The following DDAH1 variants were observed in gnomAD, a reference collection of about 807,000 sequenced individuals.
DDAH1 encodes the protein dimethylarginine dimethylaminohydrolase 1.
In DDAH1, 19 loss-of-function variants were observed where a neutral mutation model predicts 28.8. The ratio of observed to expected loss-of-function variants is 0.66; its 90% confidence interval spans 0.46 to 0.97. DDAH1 has a LOEUF of 0.97. DDAH1 is among the 50% of genes least tolerant of loss of function. The pLI is 0.00. For missense variants in DDAH1, 326 were observed against 375.9 expected (o/e 0.87, Z 1.10); for synonymous variants, 153 against 154.4 (o/e 0.99, Z 0.07).
chr1:85,371,991 T>TG (rs58223471), intron 1 of DDAH1, among the ~76,000 whole-genome samples: 6,478 of 152,076 alleles, frequency 0.043, 483 homozygotes, highest in African/African-American at 0.15. Flanking sequence ...GGATGATTTC[T>TG]GGGGGGGAAT....
intron 1 of DDAH1, among the ~76,000 whole-genome samples, chr1:85,535,432 AT>A (rs1222368337): frequency 1.7e-5 from 2 of 115,570 alleles, no homozygotes; most frequent in African/African-American, 6.8e-5. Flanking sequence ...CCTAAGTATG[AT>A]TGGAGAACAG....
At chr1:85,332,169 C>T (rs12033473) in intron 4 of DDAH1, among the ~76,000 whole-genome samples, 2,607 of 152,270 alleles carry the variant, frequency 0.017, 69 homozygotes, top group East Asian at 0.12. Flanking sequence ...GTTAGAAAGC[C>T]CATTTCCCAC....
chr1:85,534,908 T>C (rs1463697772), intron 1 of DDAH1, among the ~76,000 whole-genome samples: 3 of 152,202 alleles, frequency 2.0e-5, no homozygotes, highest in African/African-American at 4.8e-5. Context: ...TAAAGGTTCC[T>C]GTGACTACTT....
chr1:85,384,629 T>C (rs746979423), intron 1 of DDAH1, among the ~76,000 whole-genome samples: 4 of 152,228 alleles, frequency 2.6e-5, no homozygotes, highest in Admixed American at 6.5e-5. Context: ...TAATCTTTCA[T>C]GATGGAAGTC....
At position 85,464,926 on chromosome 1, in the gene DDAH1, G is replaced by A. The variant is rs745703922; in HGVS notation, c.120C>T (p.Val40=). The change falls in exon 1 of 6, where the codon GTC becomes GTT. Residue 40 remains valine, a synonymous_variant. Coordinates refer to ENST00000284031, the MANE Select transcript of DDAH1 (RefSeq NM_012137.4). This position sits in a 1 kb window ranked among gnomAD's most constrained non-coding sequence, Gnocchi z 4.4. ...LRSAKGEEVD[V]ARAERQHQLY... Reference sequence around the variant, plus strand: ...GCTGGTGCTGCCGTTCCGCGCGGGCGACGTCCACCTCCTCGCCCTTGGCGC... The same window carrying A: ...GCTGGTGCTGCCGTTCCGCGCGGGCAACGTCCACCTCCTCGCCCTTGGCGC... The A allele has an allele frequency of 1.3e-6, 2 of 1,550,770 alleles. No individual in the cohort carries two copies. The highest frequency in any genetic ancestry group is 1.7e-6 in the Non-Finnish European group (2 of 1,159,342).
intron 1 of DDAH1, among the ~76,000 whole-genome samples, chr1:85,409,511 T>A (rs1652549796): frequency 6.6e-6 from 1 of 152,182 alleles, no homozygotes; most frequent in African/African-American, 2.4e-5. Context: ...ACATCAAACT[T>A]CCTACTGGTC....
At chr1:85,378,376 A>G (rs1233202331) in intron 1 of DDAH1, among the ~76,000 whole-genome samples, 1 of 151,976 alleles carries the variant, frequency 6.6e-6, no homozygotes, top group East Asian at 1.9e-4. Flanking sequence ...GTAAAGGAGT[A>G]CCCTCTCTAT....
chr1:85,323,612 C>T (rs971255838), intron 5 of DDAH1, among the ~76,000 whole-genome samples: 6 of 152,262 alleles, frequency 3.9e-5, no homozygotes, highest in African/African-American at 9.6e-5. Flanking sequence ...CTACCTAGCA[C>T]GGGCAGTTTC....
chr1:85,486,649 T>A (rs1357546308), intron 2 of DDAH1, among the ~76,000 whole-genome samples: 1 of 152,074 alleles, frequency 6.6e-6, no homozygotes, highest in Non-Finnish European at 1.5e-5. Context: ...ACTTCTCGAG[T>A]CTGATAGAAA....
chr1:85,518,718 T>C (rs1313988821), intron 1 of DDAH1, among the ~76,000 whole-genome samples: 1 of 152,206 alleles, frequency 6.6e-6, no homozygotes, highest in African/African-American at 2.4e-5. Flanking sequence ...TAATCACATC[T>C]GCAAAGTCCC....
At chr1:85,441,539 C>A (rs1570548717) in intron 1 of DDAH1, among the ~76,000 whole-genome samples, 1 of 150,966 alleles carries the variant, frequency 6.6e-6, no homozygotes. Flanking sequence ...GACCCCATCT[C>A]AAAAAAGAAA....
chr1:85,489,566 G>T (rs944894709), intron 2 of DDAH1, among the ~76,000 whole-genome samples: 2 of 152,120 alleles, frequency 1.3e-5, no homozygotes, highest in African/African-American at 4.8e-5. Context: ...TTGAAGAAAA[G>T]AATTTGTTGG....
intron 1 of DDAH1, among the ~76,000 whole-genome samples, chr1:85,534,720 TA>T (rs1658214314): frequency 6.6e-6 from 1 of 151,954 alleles, no homozygotes. Flanking sequence ...CATACATAAT[TA>T]AAATCCTGTT....
chr1:85,401,635 G>A (rs917132042), intron 1 of DDAH1, among the ~76,000 whole-genome samples: 17 of 151,684 alleles, frequency 1.1e-4, no homozygotes, highest in Admixed American at 2.6e-4. Flanking sequence ...AAGTAGCTGG[G>A]ACTACAGGCG....
chr1:85,532,364 TA>T (rs1199551545), intron 1 of DDAH1, among the ~76,000 whole-genome samples: 2 of 151,024 alleles, frequency 1.3e-5, no homozygotes, highest in Admixed American at 6.6e-5. Context: ...TTTCAGTAAC[TA>T]AAAAACCTAG....
intron 1 of DDAH1, among the ~76,000 whole-genome samples, chr1:85,402,738 T>C (rs1184777470): frequency 6.6e-6 from 1 of 151,874 alleles, no homozygotes; most frequent in African/African-American, 2.4e-5. Context: ...TGAAACCCCG[T>C]CTCTACTAAA....
chr1:85,575,370 C>A (rs1659573220), intron 1 of DDAH1, among the ~76,000 whole-genome samples: 4 of 152,208 alleles, frequency 2.6e-5, no homozygotes, highest in Admixed American at 2.6e-4. Context: ...TCCTACCAGG[C>A]CAAGCCTTAT....
intron 1 of DDAH1, among the ~76,000 whole-genome samples, chr1:85,383,862 T>C (rs570610882): frequency 1.3e-5 from 2 of 152,306 alleles, no homozygotes; most frequent in South Asian, 4.1e-4. Flanking sequence ...ACATATATAT[T>C]TTTAAGACAT....
intron 1 of DDAH1, among the ~76,000 whole-genome samples, chr1:85,504,654 G>C (rs145277737): frequency 1.4e-4 from 22 of 152,158 alleles, no homozygotes; most frequent in African/African-American, 4.6e-4. Context: ...CACTGAGACA[G>C]TGATTATCAT....
Sources: allele counts gnomAD v4.1 joint callset (sites outside exome capture counted in the v4.1 genomes callset), GRCh38; gene constraint gnomAD v4.1.1; non-coding constraint Gnocchi (gnomAD v3.1); transcripts MANE v1.5; gene names NCBI Gene and HGNC (gene_info 2026-07-23, HGNC 2026-07-21).